Variants in EPHA8 observed in about 807,000 individuals in gnomAD.
EPHA8 encodes EPH receptor A8.
Under a neutral mutation model 103.6 loss-of-function variants are expected in EPHA8, and 58 were observed. The observed-to-expected ratio is 0.56, with a 90% CI of 0.45 to 0.70. The LOEUF is 0.70. Among genes scored for constraint, EPHA8 ranks in the 30% least tolerant of loss-of-function variants. The pLI is 0.00. For synonymous variants in EPHA8, 559 were observed against 572.5 expected, an observed-to-expected ratio of 0.98 and a Z score of 0.34; for missense variants, 1,304 against 1,395.2, an observed-to-expected ratio of 0.93 and a Z score of 1.04.
intron 13 of EPHA8, among the ~76,000 whole-genome samples, chr1:22,600,014 AAGGAGGGAAGGGAGAG>A (rs1641663604): frequency 8.6e-6 from 1 of 116,074 alleles, no homozygotes; most frequent in East Asian, 3.2e-4. Flanking sequence ...GGAGGGAAGG[AAGGAGGGAAGGGAGAG>A]AAGGAGGGAG....
At chr1:22,585,764 G>GGACAGT (rs1641185170) in intron 3 of EPHA8, among the ~76,000 whole-genome samples, 1 of 152,180 alleles carries the variant, frequency 6.6e-6, no homozygotes, top group Non-Finnish European at 1.5e-5. Flanking sequence ...ACAGTGACGG[G>GGACAGT]GACAGTGACA....
chr1:22,593,493 G>GCAGGGCCCACTGACCACCGTCCCGT, intron 6 of EPHA8, 31 bp from the exon 7 acceptor site: 1 of 1,610,350 alleles, frequency 6.2e-7, no homozygotes, highest in Non-Finnish European at 8.5e-7. Flanking sequence ...GGCCAGCAGG[G>GCAGGGCCCACTGACCACCGTCCCGT]CAGGGCCCAC....
At chr1:22,578,648 T>C (rs1640899938) in intron 3 of EPHA8, among the ~76,000 whole-genome samples, 2 of 109,440 alleles carry the variant, frequency 1.8e-5, no homozygotes, top group Non-Finnish European at 3.7e-5. Flanking sequence ...TATGTGTATG[T>C]GTGTGCATGT....
At chr1:22,578,787 A>T (rs1329355399) in intron 3 of EPHA8, among the ~76,000 whole-genome samples, 3 of 142,524 alleles carry the variant, frequency 2.1e-5, no homozygotes, top group Non-Finnish European at 4.6e-5. Context: ...GTGTGGGCAT[A>T]TGTATGTGTG....
chr1:22,577,855 C>CTTGT (rs1553145442), intron 3 of EPHA8, among the ~76,000 whole-genome samples: 4 of 94,690 alleles, frequency 4.2e-5, no homozygotes, highest in African/African-American at 1.2e-4. Context: ...TGTGTGCATG[C>CTTGT]GTATGTATGC....
chr1:22,576,792 G>A lies in EPHA8; in HGVS notation c.735G>A (p.Met245Ile), dbSNP rs776485975. Reference sequence around the variant, plus strand: ...CAGAGGAGCGGGACACACCCAAGATGTACTGCAGCGCGGAGGGCGAGTGGC... The same window carrying A: ...CAGAGGAGCGGGACACACCCAAGATATACTGCAGCGCGGAGGGCGAGTGGC... ...RHSEERDTPK[M>I]YCSAEGEWLV... Residue 245 changes from methionine (M) to isoleucine (I), a missense_variant, in exon 3 of 17, where the codon ATG (methionine) becomes ATA (isoleucine). By Grantham distance (10) the Met-to-Ile change is conservative. Transcript: ENST00000166244. The surrounding 1 kb of genome is among the most constrained non-coding windows in gnomAD (Gnocchi z 4.8). 1 of 1,613,530 alleles carries A rather than the reference G, an allele frequency of 6.2e-7. No homozygotes were observed. Among genetic ancestry groups the A allele is most frequent in the Non-Finnish European group, 8.5e-7 (1 of 1,179,894 alleles).
chr1:22,593,567 C>T lies in EPHA8; in HGVS notation c.1484C>T (p.Thr495Ile). ...QSYSTLKAVT[T>I]RATVSGLKPG... ...TACTCCACCCTCAAGGCCGTCACCA[C>T]CAGAGCCACCGTCTCCGGCCTCAAG... The change falls in exon 7 of 17, where the codon ACC becomes ATC. Residue 495 changes from threonine (T) to isoleucine (I), a missense_variant. By Grantham distance (89) the Thr-to-Ile change is moderately conservative. Transcript: ENST00000166244. 1 of 1,612,524 alleles carries T rather than the reference C, an allele frequency of 6.2e-7. No individual in the cohort carries two copies. Among genetic ancestry groups the T allele is most frequent in the Non-Finnish European group, 8.5e-7 (1 of 1,179,818 alleles).
chr1:22,576,181 G>T lies in EPHA8; in HGVS notation c.160-36G>T, dbSNP rs1557555464. On this transcript the variant is annotated intron_variant, in intron 2 of 16. Coordinates refer to ENST00000166244, the MANE Select transcript of EPHA8 (RefSeq NM_020526.5). The surrounding 1 kb of genome is among the most constrained non-coding windows in gnomAD (Gnocchi z 4.8). ...ATTGGCAAAAGAGGGTGAGGTGCTG[G>T]CTCTGCTGTAGTGGCTGTGTTCTCT... The T allele has an allele frequency of 3.8e-6, 6 of 1,569,080 alleles. No individual in the cohort carries two copies. Among genetic ancestry groups the T allele is most frequent in the Non-Finnish European group, 5.2e-6 (6 of 1,154,692 alleles).
rs746365535 is a variant in EPHA8, at chr1:22,600,663, C to T, written c.2391C>T (p.Gly797=). 1.1e-5 allele frequency: 17 copies of T among 1,613,022 alleles called. No homozygotes were observed. Among genetic ancestry groups the T allele is most frequent in the African/African-American group, 4.0e-5 (3 of 74,902 alleles). The change falls in exon 14 of 17, where the codon GGC becomes GGT. Residue 797 remains glycine (G), a splice_region_variant and synonymous_variant. Coordinates refer to ENST00000166244, the MANE Select transcript of EPHA8 (RefSeq NM_020526.5). ...DDPDAAYTTT[G]GKIPIRWTAP... Reference sequence around the variant, plus strand: ...CAACTCTTGTGTGTCCGTCGCAGGGCGGGAAGATCCCCATCCGCTGGACGG... The same window carrying T: ...CAACTCTTGTGTGTCCGTCGCAGGGTGGGAAGATCCCCATCCGCTGGACGG...
In EPHA8 at chr1:22,567,860, G is replaced by GA. The variant is rs563567090; in HGVS notation, c.95-1429_95-1428insA. Among the ~76,000 whole-genome samples the GA allele has an allele frequency of 1.1e-3, 163 of 152,266 alleles. 3 individuals carry two copies. In the East Asian group the frequency reaches 0.026, roughly 24 times the overall value. ...AGCCCATGGCTGTTGGCTGGGAGAAGGGGTCATGGAAGGCAGAGTGAAAGG... is the reference window on the plus strand; with the variant it reads ...AGCCCATGGCTGTTGGCTGGGAGAAGAGGGTCATGGAAGGCAGAGTGAAAGG... On this transcript the variant is annotated intron_variant, in intron 1 of 16. Transcript: ENST00000166244. This position sits in a 1 kb window ranked among gnomAD's most constrained non-coding sequence, Gnocchi z 4.2.
chr1:22,589,192 C>A lies in EPHA8; in HGVS notation c.1301C>A (p.Thr434Asn). 1.9e-6 allele frequency: 3 copies of A among 1,613,994 alleles called. No individual in the cohort carries two copies. Among genetic ancestry groups the A allele is most frequent in the Non-Finnish European group, 2.5e-6 (3 of 1,179,990 alleles). The change falls in exon 5 of 17, where the codon ACC (threonine) becomes AAC (asparagine). Residue 434 changes from threonine to asparagine, a missense_variant. Coordinates refer to ENST00000166244, the MANE Select transcript of EPHA8 (RefSeq NM_020526.5). This position sits in a 1 kb window ranked among gnomAD's most constrained non-coding sequence, Gnocchi z 4.3. ...CGCCGGGCCGCTGTGGTCAACATCA[C>A]CACGAACCAGGCAGGTAGGCGGAGA... is the stretch of plus-strand genomic sequence containing the variant. ...EPRRAAVVNITTNQAAPSQVV... is the reference protein window; with the variant it reads ...EPRRAAVVNINTNQAAPSQVV...
In EPHA8 at chr1:22,601,637, G is replaced by A. The variant is rs145095203; in HGVS notation, c.2914G>A (p.Ala972Thr). 3.6e-4 allele frequency: 567 copies of A among 1,592,420 alleles called. 2 individuals are homozygous for A. The African/African-American group carries it at 6.4e-3, about 18-fold the overall frequency. The change falls in exon 17 of 17, where the codon GCC becomes ACC. Residue 972 changes from alanine to threonine, a missense_variant. By Grantham distance (58) the Ala-to-Thr change is moderately conservative. Coordinates refer to ENST00000166244, the MANE Select transcript of EPHA8 (RefSeq NM_020526.5). Reference protein sequence around the residue: ...VLRMNAQDVRALGITLMGHQK... With the variant: ...VLRMNAQDVRTLGITLMGHQK... ...ACCCTTCCTTCACAGGGACGTGCGC[G>A]CCCTGGGCATCACCCTCATGGGCCA...
chr1:22,574,774 C>T (rs924504569), intron 2 of EPHA8, among the ~76,000 whole-genome samples: 2 of 152,108 alleles, frequency 1.3e-5, no homozygotes, highest in Non-Finnish European at 2.9e-5. Flanking sequence ...CTTTTTGAGA[C>T]CCTGCTTTCA....
At chr1:22,566,583 C>CT (rs1640365696) in intron 1 of EPHA8, among the ~76,000 whole-genome samples, 1 of 152,154 alleles carries the variant, frequency 6.6e-6, no homozygotes, top group Admixed American at 6.5e-5. Context: ...AAGTGCTTCG[C>CT]TTCACTGAAG....
At position 22,597,493 on chromosome 1, in the gene EPHA8, G is replaced by A. The variant is rs757872048; in HGVS notation, c.1930+17G>A. 6.2e-6 allele frequency: 10 copies of A among 1,609,096 alleles called. No individual in the cohort carries two copies. In the East Asian group the frequency reaches 2.0e-4, roughly 32 times the overall value. On this transcript the variant is annotated intron_variant, in intron 10 of 16. Transcript: ENST00000166244. The surrounding 1 kb of genome is among the most constrained non-coding windows in gnomAD (Gnocchi z 4.6). ...TCGGCTCTGGTGAGTCTCAGGGGTT[G>A]TGAGGGCGGGGCCAGCATGGGGCAA...
Position 22,569,567 on chromosome 1 carries a change from C to T in EPHA8, c.159+214C>T, listed in dbSNP as rs1179846295. Among the ~76,000 whole-genome samples, 1 of 152,184 alleles carries T rather than the reference C, an allele frequency of 6.6e-6. No individual in the cohort carries two copies. The highest frequency in any genetic ancestry group is 6.5e-5 in the Admixed American group (1 of 15,290). On this transcript the variant is annotated intron_variant, in intron 2 of 16. Coordinates refer to ENST00000166244, the MANE Select transcript of EPHA8 (RefSeq NM_020526.5). The surrounding 1 kb of genome is among the most constrained non-coding windows in gnomAD (Gnocchi z 4.5). ...ACAGAACCAACCCTGGCACCAGATC[C>T]CTGATTCTTCAAGTCTGAGGCCCTA...
Position 22,597,600 on chromosome 1 carries a change from C to G in EPHA8, c.1931-76C>G. 3.2e-6 allele frequency: 5 copies of G among 1,549,390 alleles called. No homozygotes were observed. In the South Asian group the frequency reaches 4.9e-5, roughly 15 times the overall value. On this transcript the variant is annotated intron_variant, in intron 10 of 16. Transcript: ENST00000166244. This position sits in a 1 kb window ranked among gnomAD's most constrained non-coding sequence, Gnocchi z 4.6. ...AGGGGTCTGGCAAGCCCAGGGGGTC[C>G]AAGGGCCTGGGAGGCTGGGGGAGTC...
At chr1:22,587,390 C>T (rs759804357) in intron 4 of EPHA8, among the ~76,000 whole-genome samples, 9 of 152,212 alleles carry the variant, frequency 5.9e-5, no homozygotes, top group Non-Finnish European at 1.0e-4. Context: ...GAGCTCAGCA[C>T]GTGTGTGTGT....
Position 22,601,446 on chromosome 1 carries a change from T to C in EPHA8, c.2876T>C (p.Leu959Pro), listed in dbSNP as rs576952185. 6.2e-7 allele frequency: 1 copy of C among 1,609,242 alleles called. No homozygotes were observed. The highest frequency in any genetic ancestry group is 1.3e-5 in the African/African-American group (1 of 74,656). ...DHFAAGGYSS[L>P]GMVLRMNAQD... ...TTCGCTGCGGGCGGATACTCCTCTC[T>C]GGGCATGGTGCTACGCATGAACGCC... The change falls in exon 16 of 17, where the codon CTG (leucine) becomes CCG (proline). Residue 959 changes from leucine (L) to proline (P), a missense_variant. Transcript: ENST00000166244.
Sources: gnomAD v4.1 joint callset for allele counts (sites outside exome capture counted in the v4.1 genomes callset) on GRCh38, gnomAD v4.1.1 for gene constraint, Gnocchi (gnomAD v3.1) non-coding constraint, MANE v1.5 for transcripts, NCBI Gene and HGNC (gene_info 2026-07-23, HGNC 2026-07-21) for gene names.